The following COQ3 variants were observed in gnomAD, a reference collection of about 807,000 sequenced individuals.
COQ3 encodes the protein coenzyme Q3, methyltransferase.
Under a neutral mutation model 33.1 loss-of-function variants are expected in COQ3, and 29 were observed. The ratio of observed to expected loss-of-function variants is 0.88; its 90% CI spans 0.65 to 1.19. COQ3 has a LOEUF of 1.19. Ranked by LOEUF, COQ3 falls within the 50% of genes most tolerant of loss-of-function variation. COQ3 has a pLI of 0.00. For missense variants in COQ3, 437 were observed against 430.7 expected (o/e 1.01, Z -0.13); for synonymous variants, 173 against 157.8 (o/e 1.10, Z -0.72).
At chr6:99,384,082 G>A (rs1774549543) in intron 1 of COQ3, among the ~76,000 whole-genome samples, 1 of 151,660 alleles carries the variant, frequency 6.6e-6, no homozygotes, top group Non-Finnish European at 1.5e-5. Context: ...TGTTGTTATT[G>A]TTGTTGAGAT....
At position 99,369,513 on chromosome 6, in the gene COQ3, G is replaced by C; in HGVS notation, c.*87C>G. The C allele has an allele frequency of 9.2e-7, 1 of 1,086,416 alleles. No homozygotes were observed. Among genetic ancestry groups the C allele is most frequent in the Non-Finnish European group, 1.3e-6 (1 of 754,746 alleles). The allele number at this position is 1,086,416 out of a possible 1,614,324, so 67.3% of individuals were successfully genotyped here. A position where few individuals can be genotyped will look rare whatever the true frequency, so the allele number is the denominator to read the frequency against. On this transcript the variant is annotated 3_prime_UTR_variant, in exon 7 of 7. Coordinates refer to ENST00000254759, the MANE Select transcript of COQ3 (RefSeq NM_017421.4). ...TTTTTATTGACCTTCTTTTCTTCAT[G>C]ATTCTCTCTCAAAGGATAAATTGTA...
In COQ3 at chr6:99,380,315, G is replaced by A. The variant is rs781566655; in HGVS notation, c.260C>T (p.Thr87Ile). Residue 87 changes from threonine (T) to isoleucine (I), a missense_variant, in exon 3 of 7, where the codon ACT becomes ATT. By Grantham distance (89) the Thr-to-Ile change is moderately conservative (BLOSUM62 -1). Transcript: ENST00000254759. ...FRYPWARLYS[T>I]SQTTVDSGEV... is the part of the protein sequence containing the mutation. ...ACCGCTGTCGACAGTGGTTTGGGAA[G>A]TACTGTACAGTCTCGCCCAAGGGTA... 2 of 1,613,994 alleles carry A rather than the reference G, an allele frequency of 1.2e-6. No individual in the cohort carries two copies.
intron 4 of COQ3, among the ~76,000 whole-genome samples, 155 bp from the exon 5 acceptor site, chr6:99,376,337 G>A (rs1774283361): frequency 6.6e-6 from 1 of 152,076 alleles, no homozygotes; most frequent in South Asian, 2.1e-4. Context: ...ATTTTCTCTA[G>A]TTTGTACACA....
intron 1 of COQ3, among the ~76,000 whole-genome samples, chr6:99,388,929 A>C (rs113242759): frequency 1.0e-4 from 5 of 48,872 alleles, no homozygotes; most frequent in Non-Finnish European, 1.8e-4. Context: ...ACACACACAC[A>C]CACACCCACA....
chr6:99,389,781 G>A (rs755155502), intron 1 of COQ3, among the ~76,000 whole-genome samples: 1 of 152,106 alleles, frequency 6.6e-6, no homozygotes, highest in Admixed American at 6.5e-5. Flanking sequence ...ATTTATTTAA[G>A]CAGTTCCCTA....
At chr6:99,391,094 T>TTGATTG (rs1554209259) in intron 1 of COQ3, among the ~76,000 whole-genome samples, 1,149 of 96,032 alleles carry the variant, frequency 0.012, 11 homozygotes, top group Middle Eastern at 0.037. Context: ...TTTATTTATT[T>TTGATTG]ATTTATTTAT....
At chr6:99,385,689 C>G (rs1317047247) in intron 1 of COQ3, among the ~76,000 whole-genome samples, 1 of 151,808 alleles carries the variant, frequency 6.6e-6, no homozygotes. Context: ...AAGAAAGGGC[C>G]AGGAATGGTG....
At chr6:99,390,214 G>A (rs946008328) in intron 1 of COQ3, among the ~76,000 whole-genome samples, 2 of 152,158 alleles carry the variant, frequency 1.3e-5, no homozygotes, top group African/African-American at 4.8e-5. Context: ...CAAAGGGTAC[G>A]TGCATTTGTA....
chr6:99,385,987 AAAAAAAGAAAAG>A lies in COQ3; in HGVS notation c.107-2175_107-2164del, dbSNP rs1162510879. Among the ~76,000 whole-genome samples, 216 of 130,320 alleles carry A rather than the reference AAAAAAAGAAAAG, an allele frequency of 1.7e-3. 1 individual carries two copies. The highest frequency in any genetic ancestry group is 5.7e-3 in the African/African-American group (212 of 37,332). 85.5% of individuals were successfully genotyped at this position (130,320 alleles called of 152,430 possible). ...GGAAGACTCTGTCTCAAAAAAAAAA[AAAAAAAGAAAAG>A]AAAAAAGAAAAGAAAAGAAAAAAGA... On this transcript the variant is annotated intron_variant, in intron 1 of 6. Transcript: ENST00000254759.
intron 5 of COQ3, among the ~76,000 whole-genome samples, chr6:99,375,389 T>TC (rs1246289619): frequency 1.3e-5 from 2 of 150,010 alleles, no homozygotes; most frequent in Admixed American, 1.3e-4. Context: ...TATTTTTCTT[T>TC]TTTTTTTTTT....
At chr6:99,369,996 T>C (rs1774081667) in intron 6 of COQ3, among the ~76,000 whole-genome samples, 176 bp from the exon 7 acceptor site, 1 of 152,178 alleles carries the variant, frequency 6.6e-6, no homozygotes, top group African/African-American at 2.4e-5. Flanking sequence ...AACTATGCAC[T>C]AATCACAATT....
In COQ3 at chr6:99,377,477, A is replaced by G; in HGVS notation, c.395T>C (p.Leu132Pro). Residue 132 changes from leucine (L) to proline (P), a missense_variant, in exon 4 of 7, where the codon CTT becomes CCT. Coordinates refer to ENST00000254759, the MANE Select transcript of COQ3 (RefSeq NM_017421.4). Reference protein sequence around the residue: ...DLRVPFIRDNLLKTIPNHQPG... With the variant: ...DLRVPFIRDNPLKTIPNHQPG... The stretch of plus-strand genomic sequence containing the variant: ...CTGGTGATTAGGAATTGTTTTCAGA[A>G]GATTGTCCCTTTTTTAAAAAATTCA... The G allele has an allele frequency of 6.2e-7, 1 of 1,604,428 alleles. No individual in the cohort carries two copies. Among genetic ancestry groups the G allele is most frequent in the South Asian group, 1.1e-5 (1 of 88,816 alleles).
At chr6:99,388,134 A>T (rs1774708524) in intron 1 of COQ3, among the ~76,000 whole-genome samples, 1 of 152,176 alleles carries the variant, frequency 6.6e-6, no homozygotes, top group African/African-American at 2.4e-5. Flanking sequence ...ATTGCACTCC[A>T]GCCTGGGCAA....
At chr6:99,370,759 A>G (rs1487194354) in intron 6 of COQ3, among the ~76,000 whole-genome samples, 1 of 152,214 alleles carries the variant, frequency 6.6e-6, no homozygotes, top group Non-Finnish European at 1.5e-5. Context: ...TTATATGAAA[A>G]AAAAAGCATT....
intron 2 of COQ3, 27 bp downstream of exon 2, chr6:99,383,671 T>C: frequency 6.6e-7 from 1 of 1,525,180 alleles, no homozygotes; most frequent in Non-Finnish European, 8.8e-7. Flanking sequence ...ATTACGTGAA[T>C]ATTTGCCACA....
chr6:99,392,112 C>G (rs1357361117), intron 1 of COQ3, among the ~76,000 whole-genome samples: 4 of 152,192 alleles, frequency 2.6e-5, no homozygotes, highest in Non-Finnish European at 5.9e-5. Context: ...CCAATTCCTT[C>G]TCTACCTTGA....
chr6:99,384,322 T>G (rs1385976383), intron 1 of COQ3, among the ~76,000 whole-genome samples: 1 of 152,236 alleles, frequency 6.6e-6, no homozygotes, highest in East Asian at 1.9e-4. Flanking sequence ...TTCTGGTATC[T>G]AACTCTAACC....
intron 1 of COQ3, among the ~76,000 whole-genome samples, chr6:99,391,454 G>A (rs752906925): frequency 2.0e-5 from 3 of 152,004 alleles, no homozygotes; most frequent in Non-Finnish European, 4.4e-5. Flanking sequence ...TTAAGACCCA[G>A]TTCAAATATC....
At chr6:99,393,937 C>A (rs898098717) in intron 1 of COQ3, 137 bp downstream of exon 1, 16 of 689,446 alleles carry the variant, frequency 2.3e-5, no homozygotes, top group Non-Finnish European at 3.3e-5. Flanking sequence ...AGAGATGGGG[C>A]CAGGACCAAG....
Sources: gnomAD v4.1 joint callset for allele counts (sites outside exome capture counted in the v4.1 genomes callset) on GRCh38, gnomAD v4.1.1 for gene constraint, MANE v1.5 for transcripts, NCBI Gene and HGNC (gene_info 2026-07-23, HGNC 2026-07-21) for gene names.